The following ATAD3B variants were observed in gnomAD, a reference collection of about 807,000 sequenced individuals.
ATAD3B encodes the protein ATPase family AAA domain-containing protein 3B.
In ATAD3B, 59 loss-of-function variants were observed where a neutral mutation model predicts 70.2. That is an observed-to-expected ratio of 0.84 (90% CI 0.68 to 1.04). The LOEUF is 1.04. Among genes scored for constraint, ATAD3B ranks in the 50% least tolerant of loss-of-function variants. The pLI is 0.00. For missense variants in ATAD3B, 961 were observed against 913.4 expected, an observed-to-expected ratio of 1.05 and a Z score of -0.67; for synonymous variants, 423 against 388.6, an observed-to-expected ratio of 1.09 and a Z score of -1.04.
chr1:1,505,291 G>A, the ATAD3B span, among the ~76,000 whole-genome samples: 1 of 152,248 alleles, frequency 6.6e-6, no homozygotes, highest in East Asian at 1.9e-4. Flanking sequence ...GACAGCTTAC[G>A]CCATTATTTC....
Position 1,490,351 on chromosome 1 carries a change from C to A in ATAD3B, c.1432C>A (p.Gln478Lys). The change falls in exon 14 of 16, where the codon CAG (glutamine) becomes AAG (lysine). Residue 478 changes from glutamine to lysine, a missense_variant. Transcript: ENST00000673477. ...GATGGTCCACTTCGACCTGCCGCAG[C>A]AGGAGGAGCGGGAGCGCCTGGTGAG... is the stretch of plus-strand genomic sequence containing the variant. ...DVMVHFDLPQ[Q>K]EERERLVRLH... The A allele has an allele frequency of 6.2e-7, 1 of 1,613,472 alleles. No individual in the cohort carries two copies. The highest frequency in any genetic ancestry group is 1.1e-5 in the South Asian group (1 of 91,026).
intron 1 of ATAD3B, among the ~76,000 whole-genome samples, chr1:1,476,159 G>A (rs1281912126): frequency 6.9e-6 from 1 of 145,038 alleles, no homozygotes; most frequent in Non-Finnish European, 1.5e-5. Flanking sequence ...GTTCACTGGG[G>A]CCCCCGAGGT....
At chr1:1,507,931 C>G in the ATAD3B span, among the ~76,000 whole-genome samples, 1 of 152,232 alleles carries the variant, frequency 6.6e-6, no homozygotes, top group Non-Finnish European at 1.5e-5. Flanking sequence ...TGGCCCCACC[C>G]GCGACTGGGT....
rs1230250422 is a variant in ATAD3B at position 1,495,518 on chromosome 1, A to C, written c.1648A>C (p.Thr550Pro). Reference protein sequence around the residue: ...TAYASKDGVLTEAMMDACVQD... With the variant: ...TAYASKDGVLPEAMMDACVQD... Reference sequence around the variant, plus strand: ...ATATGCCTCCAAGGACGGGGTCCTCACTGAGGCCATGATGGACGCCTGTGT... The same window carrying C: ...ATATGCCTCCAAGGACGGGGTCCTCCCTGAGGCCATGATGGACGCCTGTGT... The change falls in exon 16 of 16, where the codon ACT becomes CCT. Residue 550 changes from threonine to proline, a missense_variant. Around this residue, in one of 4 missense-constraint regions of ATAD3B, gnomAD observed 417 missense variants for 335.0 expected, o/e 1.24. Coordinates refer to ENST00000673477, the MANE Select transcript of ATAD3B (RefSeq NM_031921.6). 1.9e-6 allele frequency: 3 copies of C among 1,611,148 alleles called. No individual in the cohort carries two copies. Among genetic ancestry groups the C allele is most frequent in the African/African-American group, 2.7e-5 (2 of 74,996 alleles).
downstream of ATAD3B, among the ~76,000 whole-genome samples, chr1:1,501,714 TGTTA>T (rs1345898346): frequency 1.3e-5 from 2 of 152,142 alleles, no homozygotes; most frequent in Admixed American, 6.6e-5. Flanking sequence ...GAGTTTTTCC[TGTTA>T]GTTACTCATT....
At chr1:1,490,197 T>A (rs1162530635) in intron 13 of ATAD3B, 60 bp from the exon 14 acceptor site, 1 of 1,583,096 alleles carries the variant, frequency 6.3e-7, no homozygotes, top group African/African-American at 1.4e-5. Context: ...GAGCCCCCGT[T>A]GCCCTCGGGG....
At chr1:1,494,099 C>T (rs1640661652) in intron 15 of ATAD3B, among the ~76,000 whole-genome samples, 1 of 152,038 alleles carries the variant, frequency 6.6e-6, no homozygotes, top group Non-Finnish European at 1.5e-5. Context: ...GCAAGGGTAG[C>T]ACAGAGAGCT....
rs1640784472 is a variant in ATAD3B at position 1,496,160 on chromosome 1, G to C, written c.*343G>C. 1.9e-6 allele frequency: 2 copies of C among 1,076,378 alleles called. No individual in the cohort carries two copies. The highest frequency in any genetic ancestry group is 2.3e-6 in the Non-Finnish European group (2 of 887,440). 66.7% of individuals were successfully genotyped at this position (1,076,378 alleles called of 1,614,324 possible). A position where few individuals can be genotyped will look rare whatever the true frequency, so the allele number is the denominator to read the frequency against. ...GCTGGCCGGTCCAAGCCTGTGGCTGGAGCTGGTGTGTGTTTATCTAATAAA... is the reference window on the plus strand; with the variant it reads ...GCTGGCCGGTCCAAGCCTGTGGCTGCAGCTGGTGTGTGTTTATCTAATAAA... On this transcript the variant is annotated 3_prime_UTR_variant, in exon 16 of 16. Transcript: ENST00000673477.
intron 12 of ATAD3B, among the ~76,000 whole-genome samples, chr1:1,488,612 A>T (rs1640362990): frequency 6.6e-6 from 1 of 152,032 alleles, no homozygotes. Flanking sequence ...TACAAAAATT[A>T]GCCGGGCGTC....
downstream of ATAD3B, among the ~76,000 whole-genome samples, chr1:1,498,876 C>G (rs984550098): frequency 2.0e-4 from 30 of 151,884 alleles, no homozygotes; most frequent in African/African-American, 7.3e-4. Context: ...AAGGGGGCGT[C>G]TCATAGCTGG....
rs183587099 is a variant in ATAD3B, at chr1:1,487,798, C to T, written c.1215-65C>T. The T allele has an allele frequency of 1.1e-3, 1,781 of 1,590,324 alleles. 20 individuals are homozygous for T. Among genetic ancestry groups the T allele is most frequent in the East Asian group, 8.4e-3 (375 of 44,764 alleles). On this transcript the variant is annotated intron_variant, in intron 11 of 15. Coordinates refer to ENST00000673477, the MANE Select transcript of ATAD3B (RefSeq NM_031921.6). Reference sequence around the variant, plus strand: ...CTGCCTGGCCTGCTCCTGCCGCGGCCGGACGCTGCTGTGGGCTGCTCCTGG... The same window carrying T: ...CTGCCTGGCCTGCTCCTGCCGCGGCTGGACGCTGCTGTGGGCTGCTCCTGG...
At chr1:1,479,826 C>A (rs1469047879) in intron 4 of ATAD3B, among the ~76,000 whole-genome samples, 1 of 142,818 alleles carries the variant, frequency 7.0e-6, no homozygotes, top group Non-Finnish European at 1.5e-5. Flanking sequence ...ACACACATAC[C>A]CCTTCACACA....
the ATAD3B span, among the ~76,000 whole-genome samples, chr1:1,504,948 G>A: frequency 6.6e-6 from 1 of 152,156 alleles, no homozygotes; most frequent in South Asian, 2.1e-4. Context: ...GTGTGTGTGT[G>A]TGCGCGCCAG....
At chr1:1,473,158 T>TG (rs1639419172) in intron 1 of ATAD3B, among the ~76,000 whole-genome samples, 1 of 134,824 alleles carries the variant, frequency 7.4e-6, no homozygotes, top group African/African-American at 2.8e-5. Flanking sequence ...TTTTTTTTTT[T>TG]GAGATGAGTC....
At chr1:1,498,596 C>T (rs539654598), downstream of ATAD3B, among the ~76,000 whole-genome samples, 54 of 151,894 alleles carry the variant, frequency 3.6e-4, no homozygotes, top group African/African-American at 1.2e-3. Context: ...TTGGTACAGA[C>T]GGGGTCTCTC....
rs539923111 is a variant in ATAD3B, at chr1:1,486,303, G to A, written c.1089+68G>A. 6 of 1,608,088 alleles carry A rather than the reference G, an allele frequency of 3.7e-6. 1 individual carries two copies. The East Asian group carries it at 1.3e-4, about 36-fold the overall frequency. On this transcript the variant is annotated intron_variant, in intron 10 of 15. Coordinates refer to ENST00000673477, the MANE Select transcript of ATAD3B (RefSeq NM_031921.6). ...GTCTCACCTGCCTGCAGGTGTCTGG[G>A]GGCCTCAGCCGCCTGGGGAATGGAC... is the stretch of plus-strand genomic sequence containing the variant.
In ATAD3B at chr1:1,477,263, T is replaced by C. The variant is rs375182436; in HGVS notation, c.206-11T>C. 5.6e-6 allele frequency: 9 copies of C among 1,612,188 alleles called. No individual in the cohort carries two copies. Among genetic ancestry groups the C allele is most frequent in the South Asian group, 1.1e-5 (1 of 90,926 alleles). ...TCCTACACCTGCTCTCCGTGCCACA[T>C]GCGCCCGCAGGTTACGCCAAGGAGG... is the stretch of plus-strand genomic sequence containing the variant. On this transcript the variant is annotated splice_polypyrimidine_tract_variant and intron_variant, in intron 1 of 15. Transcript: ENST00000673477.
In ATAD3B at chr1:1,489,052, G is replaced by A. The variant is rs1043066570; in HGVS notation, c.1267-152G>A. The A allele has an allele frequency of 3.7e-5, 51 of 1,372,262 alleles. 1 individual carries two copies. Among genetic ancestry groups the A allele is most frequent in the East Asian group, 4.9e-5 (2 of 40,908 alleles). 85.0% of individuals were successfully genotyped at this position (1,372,262 alleles called of 1,614,324 possible). A position where few individuals can be genotyped will look rare whatever the true frequency, so the allele number is the denominator to read the frequency against. ...TGCTGGGTTACATGCTTGAGCCACC[G>A]CCCCTGGCCCTGGTCAGGATTTTGA... On this transcript the variant is annotated intron_variant, in intron 12 of 15. Transcript: ENST00000673477.
chr1:1,473,787 C>T (rs528121857), intron 1 of ATAD3B, among the ~76,000 whole-genome samples: 2 of 152,176 alleles, frequency 1.3e-5, no homozygotes, highest in East Asian at 1.9e-4. Context: ...AGCCACCGCA[C>T]CCTGCCAGCA....
Sources: gnomAD v4.1 joint callset for allele counts (sites outside exome capture counted in the v4.1 genomes callset) on GRCh38, gnomAD v4.1.1 for gene constraint, gnomAD v4.1.1 regional missense constraint, MANE v1.5 for transcripts, NCBI Gene and HGNC (gene_info 2026-07-23, HGNC 2026-07-21) for gene names.